Variants in ADCY2 observed in about 807,000 individuals in gnomAD.
ADCY2 encodes the protein adenylate cyclase 2, also known as adenylate cyclase type 2.
In ADCY2, 31 loss-of-function variants were observed where a neutral mutation model predicts 125.2. That is an observed-to-expected ratio of 0.25 (90% CI 0.19 to 0.33). The LOEUF (loss-of-function observed/expected upper bound fraction) is 0.33, where lower values mean the gene tolerates loss of function less well. ADCY2 is among the 10% of genes least tolerant of loss of function. The pLI is 1.00. For synonymous variants in ADCY2, 512 were observed against 548.4 expected (o/e 0.93, Z 0.93); for missense variants, 904 against 1,418.2 (o/e 0.64, Z 5.82).
intron 16 of ADCY2, among the ~76,000 whole-genome samples, chr5:7,761,307 G>A (rs1422334007): frequency 3.3e-5 from 5 of 151,630 alleles, no homozygotes; most frequent in Admixed American, 6.6e-5. Flanking sequence ...CCACCACTAC[G>A]CCCACCTAAT....
chr5:7,526,105 C>T (rs976912058), intron 3 of ADCY2, among the ~76,000 whole-genome samples: 1 of 152,212 alleles, frequency 6.6e-6, no homozygotes, highest in Admixed American at 6.5e-5. Flanking sequence ...GGGGCTGCCC[C>T]GTGCCTAGGT....
intron 2 of ADCY2, among the ~76,000 whole-genome samples, chr5:7,494,462 T>C (rs913937286): frequency 3.3e-5 from 5 of 152,136 alleles, no homozygotes; most frequent in Admixed American, 3.3e-4. Flanking sequence ...TTTGAAGTCT[T>C]TGCATGGGAC....
chr5:7,629,357 A>C (rs1187313478), intron 4 of ADCY2, among the ~76,000 whole-genome samples: 2 of 152,166 alleles, frequency 1.3e-5, no homozygotes, highest in African/African-American at 4.8e-5. Flanking sequence ...GGACCTGTCT[A>C]ACGATTCTGA....
intron 15 of ADCY2, chr5:7,746,280 A>G (rs537474448): frequency 6.6e-6 from 1 of 152,538 alleles, no homozygotes; most frequent in African/African-American, 2.4e-5. Flanking sequence ...GTCCTCCTAA[A>G]CTTGATTCCA....
intron 22 of ADCY2, among the ~76,000 whole-genome samples, chr5:7,813,096 A>G (rs1744995982): frequency 6.6e-6 from 1 of 152,224 alleles, no homozygotes; most frequent in South Asian, 2.1e-4. Flanking sequence ...TAAGCTGATT[A>G]TCACAGTATG....
At chr5:7,580,792 T>G (rs1045739418) in intron 3 of ADCY2, among the ~76,000 whole-genome samples, 1 of 152,200 alleles carries the variant, frequency 6.6e-6, no homozygotes, top group African/African-American at 2.4e-5. Flanking sequence ...CATGGTCAAA[T>G]TGGTGCAAAC....
chr5:7,439,242 A>G (rs186091043), intron 2 of ADCY2, among the ~76,000 whole-genome samples: 1 of 152,294 alleles, frequency 6.6e-6, no homozygotes, highest in East Asian at 1.9e-4. Flanking sequence ...AAAGAGGTTT[A>G]ATTGACTCAC....
At chr5:7,482,606 A>G (rs1351180412) in intron 2 of ADCY2, among the ~76,000 whole-genome samples, 3 of 152,138 alleles carry the variant, frequency 2.0e-5, no homozygotes, top group East Asian at 1.9e-4. Context: ...GAACTACCAT[A>G]CAATCTAACA....
At position 7,827,766 on chromosome 5, in the gene ADCY2, T is replaced by A. The variant is rs970791803; in HGVS notation, c.*895T>A. The stretch of plus-strand genomic sequence containing the variant: ...TGTTGAATGTATCTAGTGGTCTGAT[T>A]TTAATTTGGGCATCTCTAGAGAACG... On this transcript the variant is annotated 3_prime_UTR_variant, in exon 25 of 25. Transcript: ENST00000338316. 6.6e-6 allele frequency: 1 copy of A among 152,380 alleles called. No homozygotes were observed. The highest frequency in any genetic ancestry group is 2.4e-5 in the African/African-American group (1 of 41,466). The allele number at this position is 152,380 out of a possible 1,614,324, so 9.4% of individuals were successfully genotyped here.
Position 7,520,871 on chromosome 5 carries a change from C to A in ADCY2, c.542C>A (p.Pro181Gln). The change falls in exon 3 of 25, where the codon CCG becomes CAG. Residue 181 changes from proline to glutamine, a missense_variant. Pro to Gln is a moderately conservative substitution (Grantham distance 76, BLOSUM62 -1). Around this residue, in one of 7 missense-constraint regions of ADCY2, gnomAD observed 121 missense variants for 161.5 expected, o/e 0.75. Transcript: ENST00000338316. The part of the protein sequence containing the change: ...IVLSVCLSAT[P>Q]GGKEHLVWQI... The stretch of plus-strand genomic sequence containing the variant: ...CTTAGCGTCTGCCTGTCTGCAACAC[C>A]GGGAGGCAAGGAGCACCTGGTCTGG... 1 of 1,614,144 alleles carries A rather than the reference C, an allele frequency of 6.2e-7. No individual in the cohort carries two copies. The highest frequency in any genetic ancestry group is 2.2e-5 in the East Asian group (1 of 44,878).
Position 7,690,429 on chromosome 5 carries a change from G to T in ADCY2, c.721-262G>T, listed in dbSNP as rs1347320373. 2.1e-5 allele frequency: 6 copies of T among 280,042 alleles called. No homozygotes were observed. In the East Asian group the frequency reaches 3.6e-4, roughly 17 times the overall value. 17.3% of individuals were successfully genotyped at this position (280,042 alleles called of 1,614,324 possible). A position where few individuals can be genotyped will look rare whatever the true frequency, so the allele number is the denominator to read the frequency against. On this transcript the variant is annotated intron_variant, in intron 4 of 24. Transcript: ENST00000338316. ...CAAAATAGATTTAAAAATCTTTGGGGAAATAACTTTGCATCCCTTTATTCT... is the reference window on the plus strand; with the variant it reads ...CAAAATAGATTTAAAAATCTTTGGGTAAATAACTTTGCATCCCTTTATTCT...
chr5:7,678,988 A>G (rs6555482), intron 4 of ADCY2, among the ~76,000 whole-genome samples: 73,583 of 152,124 alleles, frequency 0.48, 18,249 homozygotes, highest in East Asian at 0.83. Context: ...ATGCCAGGCA[A>G]TGGCCTCTGT....
chr5:7,745,561 C>T (rs1489684077), intron 15 of ADCY2, among the ~76,000 whole-genome samples: 3 of 152,140 alleles, frequency 2.0e-5, no homozygotes, highest in South Asian at 4.1e-4. Flanking sequence ...AGTTTGAAAA[C>T]GCTTATTGTA....
At chr5:7,488,468 G>A (rs547841417) in intron 2 of ADCY2, among the ~76,000 whole-genome samples, 1 of 152,102 alleles carries the variant, frequency 6.6e-6, no homozygotes, top group African/African-American at 2.4e-5. Flanking sequence ...CCTCTGTCTT[G>A]TGGGGAATTC....
chr5:7,579,454 A>T (rs1736355882), intron 3 of ADCY2, among the ~76,000 whole-genome samples: 1 of 152,174 alleles, frequency 6.6e-6, no homozygotes, highest in African/African-American at 2.4e-5. Context: ...GAGAGAGAAC[A>T]GCCAATACTG....
chr5:7,742,508 T>A (rs1475554666), intron 14 of ADCY2, among the ~76,000 whole-genome samples: 1 of 152,192 alleles, frequency 6.6e-6, no homozygotes, highest in Non-Finnish European at 1.5e-5. Context: ...AGTCATTGAT[T>A]GGGTCAGGTC....
intron 3 of ADCY2, among the ~76,000 whole-genome samples, chr5:7,610,847 A>G (rs975856676): frequency 5.9e-5 from 9 of 152,222 alleles, no homozygotes; most frequent in African/African-American, 1.9e-4. Context: ...CTTGCAAATT[A>G]TGGAATTTGG....
chr5:7,732,542 C>T (rs1420057032), intron 14 of ADCY2, among the ~76,000 whole-genome samples: 1 of 152,216 alleles, frequency 6.6e-6, no homozygotes, highest in Admixed American at 6.5e-5. Flanking sequence ...ATCTCTCTTT[C>T]TTGCCTATTA....
intron 4 of ADCY2, among the ~76,000 whole-genome samples, chr5:7,651,199 T>C (rs567601532): frequency 2.0e-5 from 3 of 152,300 alleles, no homozygotes; most frequent in Admixed American, 2.0e-4. Flanking sequence ...AAAAGTGCAA[T>C]TTGTTTGATG....
Sources: allele counts gnomAD v4.1 joint callset (sites outside exome capture counted in the v4.1 genomes callset), GRCh38; gene constraint gnomAD v4.1.1; regional missense constraint gnomAD v4.1.1; transcripts MANE v1.5; gene names NCBI Gene and HGNC (gene_info 2026-07-23, HGNC 2026-07-21).